Variants in MPP7 observed in about 807,000 individuals in gnomAD.
MPP7 encodes MAGUK p55 subfamily member 7.
A neutral mutation model predicts 76.5 loss-of-function variants in MPP7; 60 were observed. That is an observed-to-expected ratio of 0.78 (90% CI 0.64 to 0.97). The LOEUF is 0.97. Among genes scored for constraint, MPP7 ranks in the 50% least tolerant of loss-of-function variants. The pLI, the probability that MPP7 is intolerant of heterozygous loss-of-function variation, is 0.00. For missense variants in MPP7, 641 were observed against 694.0 expected, an observed-to-expected ratio of 0.92 and a Z score of 0.86; for synonymous variants, 237 against 244.5, an observed-to-expected ratio of 0.97 and a Z score of 0.29.
At chr10:28,226,729 T>G (rs1005018335) in intron 2 of MPP7, among the ~76,000 whole-genome samples, 1 of 152,134 alleles carries the variant, frequency 6.6e-6, no homozygotes, top group Non-Finnish European at 1.5e-5. Context: ...AAGAAAATCT[T>G]AAAAATGAAA....
chr10:28,078,939 G>A (rs747198444), intron 12 of MPP7, among the ~76,000 whole-genome samples: 13 of 152,146 alleles, frequency 8.5e-5, no homozygotes, highest in Non-Finnish European at 1.5e-4. Flanking sequence ...AACAGTCACT[G>A]TTAACTACAT....
intron 3 of MPP7, among the ~76,000 whole-genome samples, chr10:28,162,372 G>A (rs1004049744): frequency 3.3e-5 from 5 of 152,006 alleles, no homozygotes; most frequent in African/African-American, 1.2e-4. Context: ...CATGGTAATA[G>A]CAGAGAAAAA....
At chr10:28,233,167 A>T (rs1263420163) in intron 2 of MPP7, among the ~76,000 whole-genome samples, 1 of 152,182 alleles carries the variant, frequency 6.6e-6, no homozygotes, top group African/African-American at 2.4e-5. Flanking sequence ...GTACACTGGG[A>T]CTGAACAATT....
At chr10:28,109,863 A>AAAAAC (rs1834444965) in intron 11 of MPP7, among the ~76,000 whole-genome samples, 3 of 149,480 alleles carry the variant, frequency 2.0e-5, no homozygotes, top group Admixed American at 6.7e-5. Flanking sequence ...AAAAAAAAAA[A>AAAAAC]AAAAAAAAAA....
intron 6 of MPP7, among the ~76,000 whole-genome samples, chr10:28,130,253 G>A (rs189659265): frequency 2.0e-5 from 3 of 152,052 alleles, no homozygotes; most frequent in Admixed American, 2.0e-4. Context: ...TTATATCTTA[G>A]CTGATGTTCA....
chr10:28,220,402 A>T (rs12264931), intron 2 of MPP7, among the ~76,000 whole-genome samples: 26,345 of 152,134 alleles, frequency 0.17, 2,587 homozygotes, highest in African/African-American at 0.26. Context: ...TTTACGTTAC[A>T]TTAAAACAAT....
At chr10:28,319,848 C>T (rs1304503417) in intron 2 of MPP7, among the ~76,000 whole-genome samples, 2 of 151,972 alleles carry the variant, frequency 1.3e-5, no homozygotes, top group Non-Finnish European at 2.9e-5. Context: ...TGGTGATGCA[C>T]GCCTGTGGTC....
chr10:28,215,268 CCT>C (rs1309631784), intron 2 of MPP7, among the ~76,000 whole-genome samples: 5 of 152,114 alleles, frequency 3.3e-5, no homozygotes, highest in Non-Finnish European at 7.4e-5. Flanking sequence ...TTGCAATTCC[CCT>C]GTCTTGATAA....
chr10:28,147,677 G>T, intron 4 of MPP7, 114 bp from the exon 5 acceptor site: 1 of 875,992 alleles, frequency 1.1e-6, no homozygotes, highest in African/African-American at 1.6e-5. Context: ...AATGTTTAAG[G>T]AGAGGTCAGC....
intron 2 of MPP7, among the ~76,000 whole-genome samples, chr10:28,217,932 C>T (rs1275807794): frequency 6.6e-6 from 1 of 152,164 alleles, no homozygotes; most frequent in Non-Finnish European, 1.5e-5. Flanking sequence ...TACCCAAATG[C>T]TTGTGGTTCA....
Position 28,089,699 on chromosome 10 carries a change from A to G in MPP7, c.1095T>C (p.Asn365=). ...EEVTPYRRQT[N]EKYRLVVLVG... ...CCAAGACAACGAGTCTGTATTTTTC[A>G]TTAGTTTGTCGCCGATACGGTGTCA... The change falls in exon 12 of 17, where the codon AAT becomes AAC. Residue 365 remains asparagine, a synonymous_variant. Transcript: ENST00000683449. 6.2e-7 allele frequency: 1 copy of G among 1,613,542 alleles called. No homozygotes were observed. Among genetic ancestry groups the G allele is most frequent in the Admixed American group, 1.7e-5 (1 of 59,924 alleles).
At position 28,260,863 on chromosome 10, in the gene MPP7, T is replaced by C. The variant is rs181079243; in HGVS notation, c.-131-22128A>G. 2.0e-3 allele frequency among the ~76,000 whole-genome samples: 306 copies of C among 152,180 alleles called. 2 individuals carry two copies. Among genetic ancestry groups the C allele is most frequent in the Non-Finnish European group, 3.4e-3 (231 of 68,016 alleles). ...AAGTGAAAAGGCTCTGTTTTCTACA[T>C]GATGCATTTCAACTCAGTGTGAGTT... On this transcript the variant is annotated intron_variant, in intron 1 of 16. Transcript: ENST00000683449.
intron 1 of MPP7, among the ~76,000 whole-genome samples, chr10:28,299,766 C>CTTTTT (rs59047415): frequency 1.9e-4 from 25 of 132,732 alleles, no homozygotes; most frequent in African/African-American, 3.7e-4. Context: ...AAATTCAAGA[C>CTTTTT]TTTTTTTTTT....
At chr10:28,270,121 A>T (rs927254193) in intron 1 of MPP7, among the ~76,000 whole-genome samples, 15 of 152,224 alleles carry the variant, frequency 9.9e-5, no homozygotes, top group African/African-American at 3.4e-4. Flanking sequence ...ATGCCACGAG[A>T]CTAAGATGGC....
At chr10:28,085,805 T>C (rs1026345005) in intron 12 of MPP7, among the ~76,000 whole-genome samples, 12 of 152,002 alleles carry the variant, frequency 7.9e-5, no homozygotes, top group Admixed American at 3.3e-4. Flanking sequence ...TGCAATAGGA[T>C]TGATATCACA....
At chr10:28,266,412 C>T (rs539076202) in intron 1 of MPP7, among the ~76,000 whole-genome samples, 6 of 152,228 alleles carry the variant, frequency 3.9e-5, no homozygotes, top group South Asian at 2.1e-4. Context: ...ACAACTTCTG[C>T]GCTTCAGGTC....
Position 28,062,035 on chromosome 10 carries a change from T to C in MPP7, c.1205-2292A>G, listed in dbSNP as rs971796916. On this transcript the variant is annotated intron_variant, in intron 13 of 16. Coordinates refer to ENST00000683449, the MANE Select transcript of MPP7 (RefSeq NM_001318170.2). ...GGAAGTTTTTTAGGCTGAAGATAAA[T>C]GATAAAAAGGAAACTTTTATATTCA... Among the ~76,000 whole-genome samples, 132 of 152,176 alleles carry C rather than the reference T, an allele frequency of 8.7e-4. 1 individual carries two copies. The highest frequency in any genetic ancestry group is 3.1e-3 in the African/African-American group (128 of 41,542).
intron 3 of MPP7, among the ~76,000 whole-genome samples, chr10:28,162,748 G>GA (rs1836304138): frequency 6.6e-6 from 1 of 152,158 alleles, no homozygotes. Flanking sequence ...CTAATGAATT[G>GA]AAATATTCAG....
At chr10:28,127,153 G>GT (rs1340053814) in intron 6 of MPP7, among the ~76,000 whole-genome samples, 1 of 152,198 alleles carries the variant, frequency 6.6e-6, no homozygotes, top group African/African-American at 2.4e-5. Context: ...GGACTGTACA[G>GT]TTTTTCAGTA....
Sources: gnomAD v4.1 joint callset for allele counts (sites outside exome capture counted in the v4.1 genomes callset) on GRCh38, gnomAD v4.1.1 for gene constraint, MANE v1.5 for transcripts, NCBI Gene and HGNC (gene_info 2026-07-23, HGNC 2026-07-21) for gene names.